Variants in TNKS observed in about 807,000 individuals in gnomAD.
TNKS encodes tankyrase, also known as poly [ADP-ribose] polymerase tankyrase-1.
Under a neutral mutation model 135.8 loss-of-function variants are expected in TNKS, and 72 were observed. The ratio of observed to expected loss-of-function variants is 0.53; its 90% confidence interval spans 0.44 to 0.64. The LOEUF (loss-of-function observed/expected upper bound fraction) is 0.64. Ranked by LOEUF, TNKS falls within the 30% of genes least tolerant of loss-of-function variation. TNKS has a pLI of 0.00. For synonymous variants in TNKS, 849 were observed against 649.3 expected (o/e 1.31, Z -4.68); for missense variants, 1,769 against 1,674.0 (o/e 1.06, Z -0.99).
At chr8:9,658,265 G>A (rs1585289233) in intron 3 of TNKS, 10 of 365,488 alleles carry the variant, frequency 2.7e-5, no homozygotes, top group East Asian at 4.5e-5. Flanking sequence ...CTGCAATCTC[G>A]GCACTTTGGG....
intron 25 of TNKS, among the ~76,000 whole-genome samples, chr8:9,767,122 C>CT (rs1264463042): frequency 6.6e-6 from 1 of 152,150 alleles, no homozygotes; most frequent in Non-Finnish European, 1.5e-5. Flanking sequence ...AACATAGACT[C>CT]TTTAATTTAC....
intron 3 of TNKS, among the ~76,000 whole-genome samples, chr8:9,651,867 C>T (rs1801160420): frequency 6.6e-6 from 1 of 152,032 alleles, no homozygotes; most frequent in South Asian, 2.1e-4. Context: ...TTAATTTATC[C>T]CAAACTTCAT....
intron 1 of TNKS, chr8:9,556,944 G>T (rs897014679): frequency 2.3e-5 from 11 of 477,382 alleles, no homozygotes; most frequent in African/African-American, 1.9e-4. Flanking sequence ...CTTTAGAGTA[G>T]TTTTGTCGTT....
chr8:9,715,814 T>G (rs940727251), intron 11 of TNKS, among the ~76,000 whole-genome samples: 7 of 152,106 alleles, frequency 4.6e-5, no homozygotes. Flanking sequence ...AAATCAATAA[T>G]TTATTATCCC....
chr8:9,746,774 C>T (rs1049910996), intron 17 of TNKS, among the ~76,000 whole-genome samples: 1 of 151,884 alleles, frequency 6.6e-6, no homozygotes, highest in African/African-American at 2.4e-5. Context: ...CGACTGTGCT[C>T]CAACCTTTTC....
At chr8:9,747,893 G>C in intron 17 of TNKS, 131 bp from the exon 18 acceptor site, 1 of 881,798 alleles carries the variant, frequency 1.1e-6, no homozygotes, top group East Asian at 2.8e-5. Context: ...CTTTTTTTTA[G>C]AAGAAACTTC....
chr8:9,577,814 CTCAACTCATTCCAGCA>C (rs1298096525), intron 1 of TNKS, among the ~76,000 whole-genome samples: 2 of 152,166 alleles, frequency 1.3e-5, no homozygotes, highest in Non-Finnish European at 2.9e-5. Context: ...CCCCAATAGT[CTCAACTCATTCCAGCA>C]TTAACTCAAA....
At chr8:9,612,857 G>T (rs1467182141) in intron 2 of TNKS, among the ~76,000 whole-genome samples, 1 of 152,038 alleles carries the variant, frequency 6.6e-6, no homozygotes, top group African/African-American at 2.4e-5. Flanking sequence ...CACTTATTTT[G>T]TATGTTATAT....
At chr8:9,616,459 G>A (rs1799649692) in intron 3 of TNKS, among the ~76,000 whole-genome samples, 1 of 152,146 alleles carries the variant, frequency 6.6e-6, no homozygotes, top group Non-Finnish European at 1.5e-5. Context: ...TGTCACTGCA[G>A]TGCTAACAGT....
intron 2 of TNKS, among the ~76,000 whole-genome samples, chr8:9,591,997 A>C (rs1457763776): frequency 1.3e-5 from 2 of 152,228 alleles, no homozygotes; most frequent in African/African-American, 2.4e-5. Context: ...AAAATGAAAG[A>C]ATCAGCTATT....
At chr8:9,692,746 T>C (rs1803337710) in intron 5 of TNKS, among the ~76,000 whole-genome samples, 1 of 152,210 alleles carries the variant, frequency 6.6e-6, no homozygotes, top group African/African-American at 2.4e-5. Flanking sequence ...CGTTAATCAA[T>C]ATTTATTTTC....
At position 9,765,811 on chromosome 8, in the gene TNKS, C is replaced by G. The variant is rs1247495281; in HGVS notation, c.3553+14C>G. 6.2e-7 allele frequency: 1 copy of G among 1,609,092 alleles called. No homozygotes were observed. The highest frequency in any genetic ancestry group is 1.3e-5 in the African/African-American group (1 of 74,804). Reference sequence around the variant, plus strand: ...TGTTGTTTCATGGTAAGCAGCGTGGCAGGGACGGTGGACGTCTCCCTGGGC... The same window carrying G: ...TGTTGTTTCATGGTAAGCAGCGTGGGAGGGACGGTGGACGTCTCCCTGGGC... On this transcript the variant is annotated intron_variant, in intron 24 of 26. Transcript: ENST00000310430.
At position 9,779,690 on chromosome 8, in the gene TNKS, A is replaced by G. The variant is rs1032146510; in HGVS notation, c.*2954A>G. On this transcript the variant is annotated 3_prime_UTR_variant, in exon 27 of 27. Transcript: ENST00000310430. ...CTCATCTTGGGTCTTAAAAAAGGAG[A>G]CCAGATACCTCCTAGCTTTTGTATC... 6.6e-6 allele frequency: 1 copy of G among 152,188 alleles called. No homozygotes were observed. Among genetic ancestry groups the G allele is most frequent in the Non-Finnish European group, 1.5e-5 (1 of 68,034 alleles). 9.4% of individuals were successfully genotyped at this position (152,188 alleles called of 1,614,324 possible). A position where few individuals can be genotyped will look rare whatever the true frequency, so the allele number is the denominator to read the frequency against.
chr8:9,773,177 T>G (rs188911076), intron 26 of TNKS, among the ~76,000 whole-genome samples: 7 of 152,170 alleles, frequency 4.6e-5, no homozygotes, highest in African/African-American at 1.7e-4. Flanking sequence ...ATTGGAATAA[T>G]CAGTGATAGT....
Position 9,615,647 on chromosome 8 carries a change from G to T in TNKS, c.964G>T (p.Ala322Ser). 6.2e-7 allele frequency: 1 copy of T among 1,613,192 alleles called. No individual in the cohort carries two copies. Among genetic ancestry groups the T allele is most frequent in the Non-Finnish European group, 8.5e-7 (1 of 1,179,604 alleles). ...NTDGKSALDL[A>S]DPSAKAVLTG... ...TGATGGGAAATCAGCCCTGGACCTG[G>T]CAGATCCTTCAGCAAAAGCTGTCCT... Residue 322 changes from alanine to serine, a missense_variant, in exon 3 of 27, where the codon GCA becomes TCA. By Grantham distance (99) the Ala-to-Ser change is moderately conservative. Around this residue, in one of 5 missense-constraint regions of TNKS, gnomAD observed 523 missense variants for 541.0 expected, o/e 0.97. Coordinates refer to ENST00000310430, the MANE Select transcript of TNKS (RefSeq NM_003747.3).
At chr8:9,750,131 C>T (rs955495792) in intron 18 of TNKS, among the ~76,000 whole-genome samples, 4 of 152,190 alleles carry the variant, frequency 2.6e-5, no homozygotes, top group African/African-American at 9.6e-5. Flanking sequence ...CAAGGGAATT[C>T]ACAAGGTACC....
rs771268365 is a variant in TNKS at position 9,710,121 on chromosome 8, T to C, written c.1671-21T>C. 10 of 1,613,670 alleles carry C rather than the reference T, an allele frequency of 6.2e-6. 1 individual carries two copies. In the South Asian group the frequency reaches 9.9e-5, roughly 16 times the overall value. On this transcript the variant is annotated intron_variant, in intron 10 of 26. Transcript: ENST00000310430. ...ATAAAAGAGAGACAATTACCTTTTC[T>C]TTCTTTCCTCTTTTCTGTAGTTTCA...
At chr8:9,749,663 T>G (rs1806415946) in intron 18 of TNKS, among the ~76,000 whole-genome samples, 1 of 152,022 alleles carries the variant, frequency 6.6e-6, no homozygotes, top group Non-Finnish European at 1.5e-5. Context: ...TTACTTTTTG[T>G]AGAGACAGGG....
At chr8:9,665,420 C>T (rs1197975158) in intron 3 of TNKS, among the ~76,000 whole-genome samples, 1 of 152,190 alleles carries the variant, frequency 6.6e-6, no homozygotes, top group African/African-American at 2.4e-5. Flanking sequence ...ACCAGATTTA[C>T]TTTTTCTGTT....
Sources: allele counts gnomAD v4.1 joint callset (sites outside exome capture counted in the v4.1 genomes callset), GRCh38; gene constraint gnomAD v4.1.1; regional missense constraint gnomAD v4.1.1; transcripts MANE v1.5; gene names NCBI Gene and HGNC (gene_info 2026-07-23, HGNC 2026-07-21).